Variants in MSN observed in about 807,000 individuals in gnomAD.
The protein encoded by MSN is moesin.
A neutral mutation model predicts 48.0 loss-of-function variants in MSN; 2 were observed. That is an observed-to-expected ratio of 0.04 (90% CI 0.02 to 0.13). MSN has a LOEUF of 0.13. Ranked by LOEUF, MSN falls within the 10% of genes least tolerant of loss-of-function variation. The pLI is 1.00. For missense variants in MSN, 267 were observed against 470.1 expected (o/e 0.57, Z 3.99); for synonymous variants, 146 against 166.9 (o/e 0.87, Z 0.97).
intron 1 of MSN, chrX:65,600,513 A>T (rs750460017): frequency 5.9e-4 from 66 of 112,015 alleles, no homozygotes; most frequent in African/African-American, 2.1e-3. Flanking sequence ...GGTGCATTTG[A>T]TTGACTAAAA....
chrX:65,696,562 G>A (rs1171610164), intron 1 of MSN, among the ~76,000 whole-genome samples: 7 of 110,916 alleles, frequency 6.3e-5, no homozygotes, highest in Admixed American at 1.9e-4. Context: ...ATTCGGGGCT[G>A]GGGGTAGGAT....
chrX:65,667,582 GGAGGC>G (rs750821584), upstream of MSN: 2 of 881,316 alleles, frequency 2.3e-6, no homozygotes, highest in Non-Finnish European at 2.8e-6. Flanking sequence ...CGGTCGGCGG[GGAGGC>G]GGGCGCGAGG....
intron 1 of MSN, among the ~76,000 whole-genome samples, chrX:65,620,466 A>T (rs2070428805): frequency 8.8e-6 from 1 of 113,552 alleles, no homozygotes; most frequent in Non-Finnish European, 1.9e-5. Flanking sequence ...GAGTGACCCG[A>T]TTTTCCAGGT....
chrX:65,727,782 C>A, intron 2 of MSN, 32 bp from the exon 3 acceptor site: 1 of 1,126,929 alleles, frequency 8.9e-7, no homozygotes, highest in Non-Finnish European at 1.2e-6. Context: ...AGTATTCAAT[C>A]AATGGTTGGT....
chrX:65,731,803 C>T, intron 5 of MSN, 35 bp from the exon 6 acceptor site: 1 of 1,194,848 alleles, frequency 8.4e-7, no homozygotes, highest in Non-Finnish European at 1.1e-6. Flanking sequence ...GACTCACAAG[C>T]CCCACTTTGT....
At chrX:65,682,658 G>C (rs1192869926) in intron 1 of MSN, among the ~76,000 whole-genome samples, 1 of 111,879 alleles carries the variant, frequency 8.9e-6, no homozygotes, top group Non-Finnish European at 1.9e-5. Flanking sequence ...GAACAGAGAT[G>C]GTTTCTCACC....
intron 2 of MSN, among the ~76,000 whole-genome samples, chrX:65,719,615 A>G (rs904145956): frequency 8.1e-5 from 9 of 111,740 alleles, no homozygotes; most frequent in African/African-American, 2.9e-4. Flanking sequence ...AGACAGCAGT[A>G]TCATTCTGGG....
chrX:65,599,960 A>G (rs1349268888), intron 1 of MSN, among the ~76,000 whole-genome samples: 2 of 109,947 alleles, frequency 1.8e-5, no homozygotes, highest in African/African-American at 6.6e-5. Context: ...TGGAGAAAAG[A>G]TACTGACATC....
At chrX:65,685,326 C>T (rs1158334753) in intron 1 of MSN, among the ~76,000 whole-genome samples, 1 of 111,479 alleles carries the variant, frequency 9.0e-6, no homozygotes, top group African/African-American at 3.3e-5. Flanking sequence ...TGGTCCCCTT[C>T]CTGTTTTGTG....
intron 1 of MSN, among the ~76,000 whole-genome samples, chrX:65,616,829 T>C (rs2070377481): frequency 9.1e-6 from 1 of 110,086 alleles, no homozygotes; most frequent in Non-Finnish European, 1.9e-5. Context: ...TTCAGTATGA[T>C]ATTGGCTGTG....
intron 1 of MSN, among the ~76,000 whole-genome samples, chrX:65,655,545 A>G (rs1373978053): frequency 8.9e-6 from 1 of 112,210 alleles, no homozygotes; most frequent in Non-Finnish European, 1.9e-5. Flanking sequence ...CGAGGACCTC[A>G]GTACTTTTTG....
intron 1 of MSN, among the ~76,000 whole-genome samples, chrX:65,649,890 A>G (rs191012820): frequency 2.3e-4 from 25 of 107,590 alleles, no homozygotes; most frequent in South Asian, 1.6e-3. Context: ...ACATACGCAC[A>G]AGCTCCTGGC....
chrX:65,726,396 C>T (rs1395807583), intron 2 of MSN, among the ~76,000 whole-genome samples: 1 of 111,621 alleles, frequency 9.0e-6, no homozygotes, highest in Non-Finnish European at 1.9e-5. Flanking sequence ...CTTAGTTCCT[C>T]ATCTATAATA....
At chrX:65,684,555 C>T (rs775196768) in intron 1 of MSN, among the ~76,000 whole-genome samples, 10 of 110,270 alleles carry the variant, frequency 9.1e-5, no homozygotes, top group African/African-American at 1.7e-4. Context: ...TCTCCTGCCT[C>T]GGCCTCCCGA....
intron 10 of MSN, among the ~76,000 whole-genome samples, 165 bp downstream of exon 10, chrX:65,737,503 T>C (rs1200518899): frequency 8.9e-6 from 1 of 112,272 alleles, no homozygotes; most frequent in Non-Finnish European, 1.9e-5. Flanking sequence ...AAGTCACTAG[T>C]GTGGCCCAGA....
chrX:65,636,771 A>C (rs2070604638), intron 1 of MSN, among the ~76,000 whole-genome samples: 1 of 102,464 alleles, frequency 9.8e-6, no homozygotes, highest in Non-Finnish European at 2.0e-5. Context: ...AAAAAAAAAA[A>C]AAACCAGAAA....
chrX:65,704,188 C>T (rs1156507851), intron 1 of MSN, among the ~76,000 whole-genome samples: 6 of 112,042 alleles, frequency 5.4e-5, no homozygotes, highest in African/African-American at 1.9e-4. Context: ...AGGAAAGTGA[C>T]GCTAAAGAGT....
intron 2 of MSN, among the ~76,000 whole-genome samples, chrX:65,717,588 T>G (rs1442304189): frequency 8.9e-6 from 1 of 112,334 alleles, no homozygotes; most frequent in East Asian, 2.8e-4. Context: ...AAGGATGTAC[T>G]GTATACTATA....
intron 1 of MSN, among the ~76,000 whole-genome samples, chrX:65,641,600 ATT>A (rs1491382701): frequency 6.8e-5 from 4 of 58,531 alleles, no homozygotes; most frequent in African/African-American, 2.5e-4. Context: ...ATATATATAT[ATT>A]TTAGCATATT....
Sources: gnomAD v4.1 joint callset for allele counts (sites outside exome capture counted in the v4.1 genomes callset) on GRCh38, gnomAD v4.1.1 for gene constraint, MANE v1.5 for transcripts, NCBI Gene and HGNC (gene_info 2026-07-23, HGNC 2026-07-21) for gene names.